The following SPON1 variants were observed in gnomAD, a reference collection of about 807,000 sequenced individuals.
SPON1 encodes the protein spondin 1, also known as spondin-1.
Under a neutral mutation model 111.7 loss-of-function variants are expected in SPON1, and 52 were observed. The observed-to-expected ratio is 0.47, with a 90% CI of 0.37 to 0.59. The LOEUF (loss-of-function observed/expected upper bound fraction) is 0.59, where lower values mean the gene tolerates loss of function less well. Ranked by LOEUF, SPON1 falls within the 20% of genes least tolerant of loss-of-function variation. SPON1 has a pLI of 0.00. For synonymous variants in SPON1, 410 were observed against 395.8 expected (o/e 1.04, Z -0.43); for missense variants, 957 against 1,068.5 (o/e 0.90, Z 1.46).
At chr11:14,109,471 G>T (rs1849210999) in intron 5 of SPON1, among the ~76,000 whole-genome samples, 1 of 152,166 alleles carries the variant, frequency 6.6e-6, no homozygotes, top group Non-Finnish European at 1.5e-5. Context: ...AATTCATTCA[G>T]TCACCAGCTT....
At chr11:14,062,874 TGGGCCCACCACACTGTGA>T (rs1848802003) in intron 3 of SPON1, among the ~76,000 whole-genome samples, 1 of 152,184 alleles carries the variant, frequency 6.6e-6, no homozygotes, top group Admixed American at 6.5e-5. Context: ...GGAAAAAGTT[TGGGCCCACCACACTGTGA>T]GGGTCCAGCT....
chr11:14,171,609 G>C (rs1848101590), intron 6 of SPON1, among the ~76,000 whole-genome samples: 1 of 151,976 alleles, frequency 6.6e-6, no homozygotes, highest in South Asian at 2.1e-4. Context: ...GATCTTTCCT[G>C]CTTTCTCCTG....
chr11:14,264,245 A>T (rs1371121656), intron 15 of SPON1, among the ~76,000 whole-genome samples: 2 of 152,104 alleles, frequency 1.3e-5, no homozygotes, highest in African/African-American at 4.8e-5. Context: ...GGATTTTGGG[A>T]CCTGATTCTG....
intron 13 of SPON1, 99 bp from the exon 14 acceptor site, chr11:14,260,489 G>T: frequency 7.4e-7 from 1 of 1,346,770 alleles, no homozygotes; most frequent in East Asian, 2.4e-5. Context: ...TATTCCAGGG[G>T]CCAAAGCAGG....
At chr11:14,082,474 A>C (rs1313487587) in intron 5 of SPON1, among the ~76,000 whole-genome samples, 1 of 152,242 alleles carries the variant, frequency 6.6e-6, no homozygotes, top group Non-Finnish European at 1.5e-5. Flanking sequence ...CCTCCAGGAC[A>C]AACGTGATGA....
At chr11:14,027,233 C>T (rs374341140) in intron 2 of SPON1, among the ~76,000 whole-genome samples, 2 of 152,210 alleles carry the variant, frequency 1.3e-5, no homozygotes, top group Non-Finnish European at 2.9e-5. Context: ...TGGCTAGGAA[C>T]AGTTTTCTTC....
At chr11:13,997,619 G>C (rs1046741051) in intron 2 of SPON1, among the ~76,000 whole-genome samples, 8 of 152,162 alleles carry the variant, frequency 5.3e-5, no homozygotes, top group Non-Finnish European at 8.8e-5. Context: ...GGACCACTAA[G>C]GAGCACATCT....
At chr11:14,195,025 G>A (rs952743438) in intron 6 of SPON1, among the ~76,000 whole-genome samples, 2 of 152,160 alleles carry the variant, frequency 1.3e-5, no homozygotes, top group Admixed American at 6.6e-5. Context: ...AACGTCTTTA[G>A]TGGTGAGCAA....
At chr11:14,145,476 A>G (rs1379273096) in intron 6 of SPON1, among the ~76,000 whole-genome samples, 1 of 152,240 alleles carries the variant, frequency 6.6e-6, no homozygotes, top group Non-Finnish European at 1.5e-5. Context: ...GTGAGAGATC[A>G]TTAATATATT....
rs531165071 is a variant in SPON1 at position 14,240,696 on chromosome 11, A to G, written c.826-2636A>G. 3.3e-5 allele frequency among the ~76,000 whole-genome samples: 5 copies of G among 151,484 alleles called. No individual in the cohort carries two copies. In the East Asian group the frequency reaches 9.8e-4, roughly 30 times the overall value. ...GCTGGGACCTGTAAACCAGAATTTAACTGTAAAGCAAGGTGAATCTGCATG... is the reference window on the plus strand; with the variant it reads ...GCTGGGACCTGTAAACCAGAATTTAGCTGTAAAGCAAGGTGAATCTGCATG... On this transcript the variant is annotated intron_variant, in intron 6 of 15. Transcript: ENST00000576479.
chr11:14,041,640 C>G lies in SPON1; in HGVS notation c.465C>G (p.Gly155=). 2 of 1,613,686 alleles carry G rather than the reference C, an allele frequency of 1.2e-6. No homozygotes were observed. Among genetic ancestry groups the G allele is most frequent in the African/African-American group, 2.7e-5 (2 of 74,916 alleles). ...GGATAGCACCACCAGCGGGAACAGG[C>G]TGCGTGATTCTGAAGTAAGTAAACA... ...VFWIAPPAGT[G]CVILKASIVQ... is the part of the protein sequence containing the mutation. The change falls in exon 3 of 16, where the codon GGC becomes GGG. Residue 155 remains glycine, a synonymous_variant. Transcript: ENST00000576479.
intron 5 of SPON1, among the ~76,000 whole-genome samples, chr11:14,091,049 G>C (rs1433387355): frequency 7.9e-5 from 12 of 152,032 alleles, no homozygotes; most frequent in African/African-American, 2.9e-4. Context: ...CAAACCTTGA[G>C]CTAAACACAG....
intron 9 of SPON1, 51 bp downstream of exon 9, chr11:14,255,838 A>G: frequency 6.3e-7 from 1 of 1,591,432 alleles, no homozygotes; most frequent in East Asian, 2.2e-5. Context: ...TAGGAGTGCC[A>G]GGGAGATTGT....
intron 5 of SPON1, among the ~76,000 whole-genome samples, chr11:14,082,249 G>A (rs972471317): frequency 1.3e-5 from 2 of 152,112 alleles, no homozygotes; most frequent in Non-Finnish European, 2.9e-5. Flanking sequence ...CAGAGTTTCT[G>A]TGGAGTTGTT....
At chr11:14,187,899 A>G (rs1278598699) in intron 6 of SPON1, among the ~76,000 whole-genome samples, 1 of 152,124 alleles carries the variant, frequency 6.6e-6, no homozygotes, top group Non-Finnish European at 1.5e-5. Context: ...CTCCTGCCTC[A>G]GCCTCCTGAG....
chr11:14,078,574 T>C (rs1364655658), intron 4 of SPON1, among the ~76,000 whole-genome samples: 2 of 152,118 alleles, frequency 1.3e-5, no homozygotes, highest in African/African-American at 4.8e-5. Context: ...CCTGGAGTAA[T>C]GTAGTGCAGA....
rs567781903 is a variant in SPON1, at chr11:14,256,847, G to T, written c.1309+155G>T. 2.6e-5 allele frequency among the ~76,000 whole-genome samples: 4 copies of T among 152,234 alleles called. No individual in the cohort carries two copies. In the South Asian group the frequency reaches 8.3e-4, roughly 32 times the overall value. ...CTCCTCAAGAAATAATCAAAAACAA[G>T]GCCAAGGTTAGGCCCAAAGCATAAG... On this transcript the variant is annotated intron_variant, in intron 10 of 15. Transcript: ENST00000576479.
intron 1 of SPON1, among the ~76,000 whole-genome samples, chr11:13,980,544 TTTATTA>T (rs749161081): frequency 6.6e-6 from 1 of 151,976 alleles, no homozygotes; most frequent in Non-Finnish European, 1.5e-5. Context: ...GGTACTTCTT[TTTATTA>T]TTATTATTAT....
At chr11:14,182,067 G>A (rs1554933731) in intron 6 of SPON1, among the ~76,000 whole-genome samples, 1 of 152,158 alleles carries the variant, frequency 6.6e-6, no homozygotes, top group Non-Finnish European at 1.5e-5. Context: ...CTTGTAATTG[G>A]CTTTGGGTCT....
Sources: gnomAD v4.1 joint callset for allele counts (sites outside exome capture counted in the v4.1 genomes callset) on GRCh38, gnomAD v4.1.1 for gene constraint, MANE v1.5 for transcripts, NCBI Gene and HGNC (gene_info 2026-07-23, HGNC 2026-07-21) for gene names.